Variants in RFX3 observed in about 807,000 individuals in gnomAD.
RFX3 encodes the protein regulatory factor X3.
A neutral mutation model predicts 98.6 loss-of-function variants in RFX3; 14 were observed. The ratio of observed to expected loss-of-function variants is 0.14; its 90% CI spans 0.09 to 0.22. The LOEUF is 0.22. Ranked by LOEUF, RFX3 falls within the 10% of genes least tolerant of loss-of-function variation. The pLI is 1.00. For missense variants in RFX3, 639 were observed against 926.9 expected (o/e 0.69, Z 4.03); for synonymous variants, 383 against 328.4 (o/e 1.17, Z -1.80).
At chr9:3,430,108 G>C (rs1182198633) in intron 1 of RFX3, among the ~76,000 whole-genome samples, 1 of 152,140 alleles carries the variant, frequency 6.6e-6, no homozygotes, top group Non-Finnish European at 1.5e-5. Flanking sequence ...TTTGTATTCA[G>C]AGTGACCAAT....
intron 2 of RFX3, among the ~76,000 whole-genome samples, chr9:3,375,697 A>T (rs1838383510): frequency 6.6e-6 from 1 of 152,204 alleles, no homozygotes; most frequent in Non-Finnish European, 1.5e-5. Flanking sequence ...ATGGTGGCTC[A>T]CACCTGTAAT....
At chr9:3,393,787 G>A (rs957684545) in intron 2 of RFX3, among the ~76,000 whole-genome samples, 1 of 152,108 alleles carries the variant, frequency 6.6e-6, no homozygotes, top group Non-Finnish European at 1.5e-5. Flanking sequence ...TGGTACACAT[G>A]AACATAAAGA....
chr9:3,437,365 A>G (rs1740227801), intron 1 of RFX3, among the ~76,000 whole-genome samples: 1 of 152,106 alleles, frequency 6.6e-6, no homozygotes, highest in African/African-American at 2.4e-5. Flanking sequence ...AACAGGGCAG[A>G]AAGCACCTGC....
At chr9:3,291,236 G>T (rs1047775541) in intron 6 of RFX3, among the ~76,000 whole-genome samples, 2 of 151,890 alleles carry the variant, frequency 1.3e-5, no homozygotes, top group Non-Finnish European at 2.9e-5. Flanking sequence ...GTGGTGGAGT[G>T]GGGTGGTGCC....
intron 1 of RFX3, among the ~76,000 whole-genome samples, chr9:3,521,335 A>G (rs1818690314): frequency 6.6e-6 from 1 of 152,342 alleles, no homozygotes; most frequent in South Asian, 2.1e-4. Flanking sequence ...GTATTAGTAC[A>G]CGAAGTTAGG....
Position 3,505,274 on chromosome 9 carries a change from G to T in RFX3, c.-9+20473C>A, listed in dbSNP as rs190937918. On this transcript the variant is annotated intron_variant, in intron 1 of 16. Transcript: ENST00000617270. ...TATGAATATATATTTATATATATAT[G>T]AATATATACATTTTTATATTTATAT... 6.0e-3 allele frequency among the ~76,000 whole-genome samples: 371 copies of T among 61,370 alleles called. 4 individuals are homozygous for T. The highest frequency in any genetic ancestry group is 0.04 in the African/African-American group (343 of 8,598). The allele number at this position is 61,370 out of a possible 152,430, so 40.3% of individuals were successfully genotyped here. A position where few individuals can be genotyped will look rare whatever the true frequency, so the allele number is the denominator to read the frequency against.
At chr9:3,475,930 T>A (rs1849207423) in intron 1 of RFX3, among the ~76,000 whole-genome samples, 1 of 152,184 alleles carries the variant, frequency 6.6e-6, no homozygotes, top group South Asian at 2.1e-4. Context: ...GACCACAGTC[T>A]GCTTGGCAAC....
chr9:3,300,098 T>C (rs562688015), intron 5 of RFX3, among the ~76,000 whole-genome samples: 1 of 151,268 alleles, frequency 6.6e-6, no homozygotes, highest in South Asian at 2.1e-4. Context: ...AAGTTAATCA[T>C]CACCCCCCGG....
chr9:3,463,939 C>T (rs1246377702), intron 1 of RFX3, among the ~76,000 whole-genome samples: 1 of 152,088 alleles, frequency 6.6e-6, no homozygotes, highest in East Asian at 1.9e-4. Flanking sequence ...TGCCACTGCA[C>T]TCCTGCCTTC....
chr9:3,239,519 G>A (rs1272704493), intron 15 of RFX3, among the ~76,000 whole-genome samples: 2 of 152,198 alleles, frequency 1.3e-5, no homozygotes, highest in Non-Finnish European at 2.9e-5. Flanking sequence ...AACTGTTCCG[G>A]CTTTTCTGCC....
In RFX3 at chr9:3,224,812, C is replaced by G. The variant is rs1817588242; in HGVS notation, c.*230G>C. On this transcript the variant is annotated 3_prime_UTR_variant, in exon 17 of 17. Transcript: ENST00000617270. ...TAAGTGTTGTAAAAATCCTTCTTGA[C>G]ACCTGAAACTAAGGGAAAAAATTCA... 2 of 411,312 alleles carry G rather than the reference C, an allele frequency of 4.9e-6. No individual in the cohort carries two copies. The highest frequency in any genetic ancestry group is 4.1e-5 in the African/African-American group (2 of 49,182). 25.5% of individuals were successfully genotyped at this position (411,312 alleles called of 1,614,324 possible). A position where few individuals can be genotyped will look rare whatever the true frequency, so the allele number is the denominator to read the frequency against.
At chr9:3,416,120 C>A (rs1447517049) in intron 1 of RFX3, among the ~76,000 whole-genome samples, 2 of 152,164 alleles carry the variant, frequency 1.3e-5, no homozygotes, top group Non-Finnish European at 1.5e-5. Context: ...CCAATTACTT[C>A]CAGAATCTTT....
At chr9:3,457,841 C>G in intron 1 of RFX3, among the ~76,000 whole-genome samples, 1 of 151,920 alleles carries the variant, frequency 6.6e-6, no homozygotes, top group Non-Finnish European at 1.5e-5. Flanking sequence ...TACAAAGATG[C>G]CTGAGATCTA....
chr9:3,395,581 G>C lies in RFX3; in HGVS notation c.8C>G (p.Thr3Arg). 6.2e-7 allele frequency: 1 copy of C among 1,614,038 alleles called. No homozygotes were observed. The highest frequency in any genetic ancestry group is 8.5e-7 in the Non-Finnish European group (1 of 1,179,950). Residue 3 changes from threonine (T) to arginine (R), a missense_variant, in exon 2 of 17, where the codon ACA (threonine) becomes AGA (arginine). By Grantham distance (71) the Thr-to-Arg change is moderately conservative. Transcript: ENST00000617270. ...GCCTGTGTCCGACCCAGTCTCTGATGTCTGCATGATGGTCTCTGAAATAGA... is the reference window on the plus strand; with the variant it reads ...GCCTGTGTCCGACCCAGTCTCTGATCTCTGCATGATGGTCTCTGAAATAGA... The part of the protein sequence containing the change: MQ[T>R]SETGSDTGST...
intron 15 of RFX3, among the ~76,000 whole-genome samples, chr9:3,231,578 T>TATACA (rs1563770634): frequency 2.0e-5 from 3 of 152,002 alleles, no homozygotes; most frequent in Non-Finnish European, 2.9e-5. Flanking sequence ...TTAGGAAACC[T>TATACA]CAGGGAAGGT....
At chr9:3,370,597 T>G (rs1837731227) in intron 2 of RFX3, among the ~76,000 whole-genome samples, 1 of 151,772 alleles carries the variant, frequency 6.6e-6, no homozygotes, top group African/African-American at 2.4e-5. Flanking sequence ...TTTTCTAGAG[T>G]GATAAAAATG....
chr9:3,338,363 G>A lies in RFX3; in HGVS notation c.216-7846C>T, dbSNP rs141249521. On this transcript the variant is annotated intron_variant, in intron 3 of 16. Transcript: ENST00000617270. ...GGAAATGCAAGAATAAATGTTAAAA[G>A]TCAGTAATACTTCTTGTAATAACTT... Among the ~76,000 whole-genome samples, 550 of 152,298 alleles carry A rather than the reference G, an allele frequency of 3.6e-3. 6 individuals carry two copies. Among genetic ancestry groups the A allele is most frequent in the African/African-American group, 0.012 (515 of 41,568 alleles).
chr9:3,481,177 C>CT (rs1455843259), intron 1 of RFX3, among the ~76,000 whole-genome samples: 12 of 152,064 alleles, frequency 7.9e-5, no homozygotes, highest in African/African-American at 2.9e-4. Context: ...AATAAAGAAA[C>CT]TGACACTTGG....
chr9:3,514,440 G>A (rs188757357), intron 1 of RFX3, among the ~76,000 whole-genome samples: 11 of 151,644 alleles, frequency 7.3e-5, no homozygotes, highest in African/African-American at 2.7e-4. Context: ...TAACCAAGTT[G>A]TGTTTTGTTT....
Sources: allele counts gnomAD v4.1 joint callset (sites outside exome capture counted in the v4.1 genomes callset), GRCh38; gene constraint gnomAD v4.1.1; transcripts MANE v1.5; gene names NCBI Gene and HGNC (gene_info 2026-07-23, HGNC 2026-07-21).